Variants in ATP11A observed in about 807,000 individuals in gnomAD.
ATP11A encodes the protein phospholipid-transporting ATPase IH.
A neutral mutation model predicts 154.4 loss-of-function variants in ATP11A; 81 were observed. The ratio of observed to expected loss-of-function variants is 0.52; its 90% CI spans 0.44 to 0.63. ATP11A has a LOEUF of 0.63. ATP11A is among the 30% of genes least tolerant of loss of function. ATP11A has a pLI of 0.00. For synonymous variants in ATP11A, 623 were observed against 585.9 expected, an observed-to-expected ratio of 1.06 and a Z score of -0.91; for missense variants, 1,316 against 1,474.3, an observed-to-expected ratio of 0.89 and a Z score of 1.76.
chr13:112,813,423 C>T (rs2078559777), intron 5 of ATP11A, among the ~76,000 whole-genome samples: 1 of 152,154 alleles, frequency 6.6e-6, no homozygotes, highest in African/African-American at 2.4e-5. Context: ...TCGGGATTCA[C>T]GAAGTCTGTG....
At chr13:112,751,704 TTGAC>T (rs2076695798) in intron 1 of ATP11A, among the ~76,000 whole-genome samples, 1 of 151,512 alleles carries the variant, frequency 6.6e-6, no homozygotes, top group African/African-American at 2.4e-5. Flanking sequence ...CATTGGCCCT[TTGAC>T]TGATATGCAT....
intron 1 of ATP11A, among the ~76,000 whole-genome samples, chr13:112,715,825 G>T (rs1329819816): frequency 6.6e-6 from 1 of 151,846 alleles, no homozygotes; most frequent in Non-Finnish European, 1.5e-5. Context: ...GAGCCCTGTT[G>T]CTCACACCTC....
chr13:112,834,674 T>G lies in ATP11A; in HGVS notation c.1631+14T>G. Reference sequence around the variant, plus strand: ...CCACATCGAAAGGTATGTGCAGACCTCACCCTCAGATGTGAAAGGACTAAC... The same window carrying G: ...CCACATCGAAAGGTATGTGCAGACCGCACCCTCAGATGTGAAAGGACTAAC... On this transcript the variant is annotated intron_variant, in intron 15 of 29. Coordinates refer to ENST00000375645, the MANE Select transcript of ATP11A (RefSeq NM_015205.3). The G allele has an allele frequency of 6.3e-7, 1 of 1,598,472 alleles. No individual in the cohort carries two copies. The highest frequency in any genetic ancestry group is 8.6e-7 in the Non-Finnish European group (1 of 1,166,794).
intron 10 of ATP11A, 77 bp from the exon 11 acceptor site, chr13:112,825,353 A>C: frequency 6.8e-7 from 1 of 1,477,598 alleles, no homozygotes; most frequent in Non-Finnish European, 9.2e-7. Context: ...ACGAGGTGTC[A>C]TCTTGATATC....
chr13:112,886,040 CGCACCTCATCCGTGCACGCGTCGGA>C lies in ATP11A; in HGVS notation c.*4179_*4203del, dbSNP rs897811145. 2 of 152,330 alleles carry C rather than the reference CGCACCTCATCCGTGCACGCGTCGGA, an allele frequency of 1.3e-5. No homozygotes were observed. Among genetic ancestry groups the C allele is most frequent in the Admixed American group, 1.3e-4 (2 of 15,292 alleles). The allele number at this position is 152,330 out of a possible 1,614,324, so 9.4% of individuals were successfully genotyped here. On this transcript the variant is annotated 3_prime_UTR_variant, in exon 30 of 30. Coordinates refer to ENST00000375645, the MANE Select transcript of ATP11A (RefSeq NM_015205.3). Reference sequence around the variant, plus strand: ...ACAGCAGGACTGGCCACACCCACGCCGCACCTCATCCGTGCACGCGTCGGAGCACGGCCAGCCTTCCGCCACGAGC... The same window carrying C: ...ACAGCAGGACTGGCCACACCCACGCCGCACGGCCAGCCTTCCGCCACGAGC...
rs574658809 is a variant in ATP11A, at chr13:112,755,673, G to A, written c.40-29462G>A. On this transcript the variant is annotated intron_variant, in intron 1 of 29. Coordinates refer to ENST00000375645, the MANE Select transcript of ATP11A (RefSeq NM_015205.3). Reference sequence around the variant, plus strand: ...CAGTCAGGGAAGCATCAATCAGAGCGGCTCCCAGAACCATTTCCGGTCACG... The same window carrying A: ...CAGTCAGGGAAGCATCAATCAGAGCAGCTCCCAGAACCATTTCCGGTCACG... Among the ~76,000 whole-genome samples, 11 of 149,158 alleles carry A rather than the reference G, an allele frequency of 7.4e-5. No homozygotes were observed. In the East Asian group the frequency reaches 2.2e-3, roughly 29 times the overall value.
chr13:112,775,248 C>T (rs991132611), intron 1 of ATP11A, among the ~76,000 whole-genome samples: 3 of 152,212 alleles, frequency 2.0e-5, no homozygotes, highest in South Asian at 2.1e-4. Context: ...CAGAACACGG[C>T]GTGAAGCTCT....
chr13:112,756,488 C>G (rs1424019841), intron 1 of ATP11A, among the ~76,000 whole-genome samples: 2 of 152,216 alleles, frequency 1.3e-5, no homozygotes, highest in Non-Finnish European at 2.9e-5. Context: ...TCTGACCACT[C>G]ACTGGGGCGC....
intron 6 of ATP11A, 125 bp downstream of exon 6, chr13:112,816,336 T>TA: frequency 8.1e-7 from 1 of 1,238,962 alleles, no homozygotes; most frequent in Middle Eastern, 2.2e-4. Context: ...CCCAGGGAGT[T>TA]ACACCAGCCA....
intron 2 of ATP11A, among the ~76,000 whole-genome samples, chr13:112,800,707 C>T (rs2078110956): frequency 6.6e-6 from 1 of 152,100 alleles, no homozygotes; most frequent in African/African-American, 2.4e-5. Flanking sequence ...AAGACGATAT[C>T]ACACACCAGT....
intron 1 of ATP11A, among the ~76,000 whole-genome samples, chr13:112,718,235 G>A (rs1255286973): frequency 6.6e-6 from 1 of 152,042 alleles, no homozygotes; most frequent in Non-Finnish European, 1.5e-5. Context: ...TTTACCATTG[G>A]ATAAAAAGCA....
At chr13:112,702,214 C>A (rs898356547) in intron 1 of ATP11A, among the ~76,000 whole-genome samples, 1 of 151,802 alleles carries the variant, frequency 6.6e-6, no homozygotes, top group African/African-American at 2.4e-5. Flanking sequence ...GGCATCGTGG[C>A]GGGCACCTGT....
At chr13:112,878,356 G>A (rs1350029787) in intron 29 of ATP11A, 53 bp downstream of exon 29, 2 of 1,581,598 alleles carry the variant, frequency 1.3e-6, no homozygotes, top group Admixed American at 1.7e-5. Flanking sequence ...GGGGCAGCAG[G>A]GCCATGCCCA....
chr13:112,810,271 A>C (rs1244096651), intron 4 of ATP11A, among the ~76,000 whole-genome samples: 2 of 152,256 alleles, frequency 1.3e-5, no homozygotes, highest in Non-Finnish European at 2.9e-5. Flanking sequence ...CTTGCTCATC[A>C]TTTCATTCAG....
chr13:112,735,613 C>T (rs1011544942), intron 1 of ATP11A, among the ~76,000 whole-genome samples: 3 of 152,182 alleles, frequency 2.0e-5, no homozygotes, highest in African/African-American at 7.2e-5. Flanking sequence ...TTTCCAGGTT[C>T]TGTTTTGGTT....
At chr13:112,853,281 TAC>T (rs71879208) in intron 18 of ATP11A, among the ~76,000 whole-genome samples, 6,253 of 151,328 alleles carry the variant, frequency 0.041, 382 homozygotes, top group African/African-American at 0.13. Context: ...CATATGTACA[TAC>T]ACACACACAC....
In ATP11A at chr13:112,838,652, C is replaced by T. The variant is rs567761182; in HGVS notation, c.1705+2401C>T. ...TGTTACTATCAAAAGGCTGAAGAGC[C>T]GCTGGATCACTCGAAGAATCCGGGT... On this transcript the variant is annotated intron_variant, in intron 16 of 29. Coordinates refer to ENST00000375645, the MANE Select transcript of ATP11A (RefSeq NM_015205.3). This position sits in a 1 kb window ranked among gnomAD's most constrained non-coding sequence, Gnocchi z 7.3. Among the ~76,000 whole-genome samples the T allele has an allele frequency of 1.4e-4, 22 of 152,298 alleles. No homozygotes were observed. The highest frequency in any genetic ancestry group is 2.5e-4 in the Non-Finnish European group (17 of 68,032).
Position 112,881,008 on chromosome 13 carries a change from T to G in ATP11A, c.*10-868T>G, listed in dbSNP as rs148437915. The G allele has an allele frequency of 1.6e-3, 1,620 of 990,108 alleles. 2 individuals carry two copies. The highest frequency in any genetic ancestry group is 1.8e-3 in the Non-Finnish European group (1,533 of 832,740). 61.3% of individuals were successfully genotyped at this position (990,108 alleles called of 1,614,324 possible). A position where few individuals can be genotyped will look rare whatever the true frequency, so the allele number is the denominator to read the frequency against. On this transcript the variant is annotated intron_variant, in intron 29 of 29. Coordinates refer to ENST00000375645, the MANE Select transcript of ATP11A (RefSeq NM_015205.3). ...ACCGTGCTTTGAAATCAAACGTGGT[T>G]ATTGCATGGTTTGTGTGGAACTGGG...
chr13:112,734,900 A>G (rs1224718171), intron 1 of ATP11A, among the ~76,000 whole-genome samples: 1 of 152,286 alleles, frequency 6.6e-6, no homozygotes, highest in East Asian at 1.9e-4. Context: ...CAGCGGTAGG[A>G]CCATGAATAC....
Sources: gnomAD v4.1 joint callset for allele counts (sites outside exome capture counted in the v4.1 genomes callset) on GRCh38, gnomAD v4.1.1 for gene constraint, Gnocchi (gnomAD v3.1) non-coding constraint, MANE v1.5 for transcripts, NCBI Gene and HGNC (gene_info 2026-07-23, HGNC 2026-07-21) for gene names.